The following SLC35F2 variants were observed in gnomAD, a reference collection of about 807,000 sequenced individuals.
SLC35F2 encodes the protein solute carrier family 35 member F2.
In SLC35F2, 25 loss-of-function variants were observed where a neutral mutation model predicts 38.1. The observed-to-expected ratio is 0.66, with a 90% CI of 0.48 to 0.92. The LOEUF (loss-of-function observed/expected upper bound fraction) is 0.92. Ranked by LOEUF, SLC35F2 falls within the 40% of genes least tolerant of loss-of-function variation. The pLI is 0.00. For missense variants in SLC35F2, 409 were observed against 452.9 expected, an observed-to-expected ratio of 0.90 and a Z score of 0.88; for synonymous variants, 173 against 181.7, an observed-to-expected ratio of 0.95 and a Z score of 0.38.
At chr11:107,794,840 A>G (rs1859193075) in intron 7 of SLC35F2, among the ~76,000 whole-genome samples, 1 of 152,248 alleles carries the variant, frequency 6.6e-6, no homozygotes. Context: ...AGATCTGATC[A>G]ATAAATTAGG....
intron 1 of SLC35F2, among the ~76,000 whole-genome samples, chr11:107,824,645 T>C (rs1859725850): frequency 6.6e-6 from 1 of 152,184 alleles, no homozygotes; most frequent in Admixed American, 6.6e-5. Flanking sequence ...TAGTGTTAGG[T>C]AGTTCTCTTA....
At chr11:107,820,318 G>T (rs1462712912) in intron 1 of SLC35F2, among the ~76,000 whole-genome samples, 1 of 151,338 alleles carries the variant, frequency 6.6e-6, no homozygotes, top group Non-Finnish European at 1.5e-5. Flanking sequence ...AGGAAGGAAG[G>T]AGGGAGGGAG....
At chr11:107,833,642 T>A (rs576845599) in intron 1 of SLC35F2, among the ~76,000 whole-genome samples, 2 of 152,126 alleles carry the variant, frequency 1.3e-5, no homozygotes, top group South Asian at 4.1e-4. Context: ...TTGCTAACCA[T>A]GTTCCCTCCT....
At chr11:107,834,348 G>A (rs774057251) in intron 1 of SLC35F2, among the ~76,000 whole-genome samples, 3 of 152,134 alleles carry the variant, frequency 2.0e-5, no homozygotes, top group Non-Finnish European at 4.4e-5. Flanking sequence ...GCATCCAAAC[G>A]TTGACGAAAA....
chr11:107,854,678 T>C (rs114632599), intron 1 of SLC35F2, among the ~76,000 whole-genome samples: 543 of 152,236 alleles, frequency 3.6e-3, no homozygotes, highest in African/African-American at 0.012. Flanking sequence ...TAGAGAAAAG[T>C]TGTCTGTACC....
intron 1 of SLC35F2, among the ~76,000 whole-genome samples, chr11:107,836,961 A>G (rs1412244212): frequency 6.6e-6 from 1 of 152,240 alleles, no homozygotes; most frequent in African/African-American, 2.4e-5. Context: ...TAAAGAGTCT[A>G]TTAAAAAACT....
intron 1 of SLC35F2, among the ~76,000 whole-genome samples, chr11:107,841,839 C>A (rs1280344706): frequency 3.3e-5 from 5 of 151,762 alleles, no homozygotes; most frequent in Admixed American, 1.3e-4. Flanking sequence ...CCGAGGCGAG[C>A]GGATCATGAG....
At chr11:107,809,633 GA>G (rs774404047) in intron 3 of SLC35F2, 13,381 of 714,550 alleles carry the variant, frequency 0.019, no homozygotes, top group Non-Finnish European at 0.021. Flanking sequence ...CTCCTTCTCA[GA>G]AAAAAAAAAA....
chr11:107,834,043 T>A (rs548070831), intron 1 of SLC35F2, among the ~76,000 whole-genome samples: 2 of 152,368 alleles, frequency 1.3e-5, no homozygotes, highest in African/African-American at 4.8e-5. Flanking sequence ...TGTAAAATCC[T>A]GGGAACTTCA....
intron 7 of SLC35F2, among the ~76,000 whole-genome samples, chr11:107,796,901 G>A (rs560459112): frequency 1.3e-5 from 2 of 151,974 alleles, no homozygotes; most frequent in Admixed American, 6.6e-5. Flanking sequence ...TCAAACTCTT[G>A]AGCTCAAGCA....
chr11:107,832,074 T>C (rs1338359898), intron 1 of SLC35F2, among the ~76,000 whole-genome samples: 1 of 152,218 alleles, frequency 6.6e-6, no homozygotes, highest in Non-Finnish European at 1.5e-5. Flanking sequence ...CCAAATGTTA[T>C]ACTGCATTTC....
intron 1 of SLC35F2, among the ~76,000 whole-genome samples, chr11:107,844,539 T>C (rs1040085572): frequency 6.8e-6 from 1 of 146,928 alleles, no homozygotes; most frequent in African/African-American, 2.5e-5. Context: ...GCAGAATCGC[T>C]TGAACCCGGG....
chr11:107,811,577 G>T lies in SLC35F2; in HGVS notation c.414+90C>A, dbSNP rs138628622. On this transcript the variant is annotated intron_variant, in intron 3 of 7. Coordinates refer to ENST00000525815, the MANE Select transcript of SLC35F2 (RefSeq NM_017515.5). ...TGTTTAGGTTTTCTTCAAGTGAATA[G>T]ATTTTCAATAAAATTAGGTCAACAC... The T allele has an allele frequency of 2.0e-5, 25 of 1,263,610 alleles. 1 individual carries two copies. In the East Asian group the frequency reaches 3.6e-4, roughly 18 times the overall value. The allele number at this position is 1,263,610 out of a possible 1,614,324, so 78.3% of individuals were successfully genotyped here.
chr11:107,808,016 A>C (rs1267924812), intron 3 of SLC35F2, among the ~76,000 whole-genome samples: 3 of 152,224 alleles, frequency 2.0e-5, no homozygotes, highest in Non-Finnish European at 4.4e-5. Context: ...GGACAGAGCA[A>C]GCTGTGTCCT....
intron 1 of SLC35F2, among the ~76,000 whole-genome samples, chr11:107,833,594 A>G (rs1400137134): frequency 6.6e-6 from 1 of 151,678 alleles, no homozygotes; most frequent in Non-Finnish European, 1.5e-5. Flanking sequence ...CAGAATCAGG[A>G]GCAAAATACA....
chr11:107,845,431 G>A (rs147929302), intron 1 of SLC35F2, among the ~76,000 whole-genome samples: 1 of 151,922 alleles, frequency 6.6e-6, no homozygotes, highest in Non-Finnish European at 1.5e-5. Context: ...TGAGGCTGGA[G>A]GATTGCTTGA....
intron 1 of SLC35F2, among the ~76,000 whole-genome samples, chr11:107,816,719 G>A (rs1206389290): frequency 6.6e-6 from 1 of 152,118 alleles, no homozygotes; most frequent in Non-Finnish European, 1.5e-5. Context: ...GATCCTAAAT[G>A]CAGAAGGAAA....
intron 7 of SLC35F2, among the ~76,000 whole-genome samples, chr11:107,798,577 C>G (rs546734366): frequency 1.3e-5 from 2 of 152,052 alleles, no homozygotes; most frequent in South Asian, 4.2e-4. Flanking sequence ...TGGATCTATA[C>G]AGGAAGTTTC....
intron 1 of SLC35F2, among the ~76,000 whole-genome samples, chr11:107,840,251 G>A (rs961156235): frequency 1.1e-4 from 16 of 152,284 alleles, no homozygotes; most frequent in African/African-American, 3.6e-4. Flanking sequence ...TAGGATTAGG[G>A]TTGGTAATAA....
Sources: gnomAD v4.1 joint callset for allele counts (sites outside exome capture counted in the v4.1 genomes callset) on GRCh38, gnomAD v4.1.1 for gene constraint, MANE v1.5 for transcripts, NCBI Gene and HGNC (gene_info 2026-07-23, HGNC 2026-07-21) for gene names.